The following PTPRD variants were observed in gnomAD, a reference collection of about 807,000 sequenced individuals.
PTPRD encodes the protein protein tyrosine phosphatase receptor type D, also known as receptor-type tyrosine-protein phosphatase delta.
PTPRD carries 34 observed loss-of-function variants against 214.5 expected under a neutral mutation model. The observed-to-expected ratio is 0.16, with a 90% confidence interval of 0.12 to 0.21. PTPRD has a LOEUF of 0.21. Ranked by LOEUF, PTPRD falls within the 10% of genes least tolerant of loss-of-function variation. The pLI is 1.00. For missense variants in PTPRD, 2,545 were observed against 2,398.7 expected (o/e 1.06, Z -1.27); for synonymous variants, 1,128 against 845.7 (o/e 1.33, Z -5.79).
rs12350225 is a variant in PTPRD, at chr9:9,076,416, G to C, written c.-142-57681C>G. On this transcript the variant is annotated intron_variant, in intron 10 of 45. Transcript: ENST00000381196. ...TTTAATTAGTGTAAGTGTTATTTTT[G>C]TACCCATTAACCGTCCCCTTTGCTC... 5.2e-3 allele frequency among the ~76,000 whole-genome samples: 797 copies of C among 151,852 alleles called. 14 individuals are homozygous for C. Among genetic ancestry groups the C allele is most frequent in the African/African-American group, 0.018 (756 of 41,462 alleles).
intron 11 of PTPRD, among the ~76,000 whole-genome samples, chr9:8,739,467 C>G (rs1166780544): frequency 1.3e-4 from 20 of 152,184 alleles, no homozygotes; most frequent in Admixed American, 1.3e-3. Context: ...AAGTTTTTAT[C>G]TTATTAAAGT....
chr9:8,324,924 C>A (rs573921576), intron 44 of PTPRD, among the ~76,000 whole-genome samples: 1 of 152,124 alleles, frequency 6.6e-6, no homozygotes, highest in Non-Finnish European at 1.5e-5. Flanking sequence ...TGTTCATATC[C>A]TTCGCCCACT....
At chr9:10,145,576 T>G (rs2099016569) in intron 3 of PTPRD, among the ~76,000 whole-genome samples, 1 of 152,160 alleles carries the variant, frequency 6.6e-6, no homozygotes, top group South Asian at 2.1e-4. Context: ...ATCAACTGTT[T>G]ATGTTATCAG....
intron 5 of PTPRD, among the ~76,000 whole-genome samples, chr9:9,777,221 C>T (rs147009103): frequency 3.9e-5 from 6 of 152,016 alleles, no homozygotes; most frequent in Non-Finnish European, 8.8e-5. Flanking sequence ...TAAAAACATT[C>T]TAAGTCCAGG....
chr9:10,601,749 A>C (rs1180225594), intron 2 of PTPRD, among the ~76,000 whole-genome samples: 1 of 151,774 alleles, frequency 6.6e-6, no homozygotes, highest in African/African-American at 2.4e-5. Context: ...GACAGAAGGC[A>C]AAAACTCTAG....
At chr9:9,890,968 C>A (rs771505566) in intron 5 of PTPRD, among the ~76,000 whole-genome samples, 23 of 152,158 alleles carry the variant, frequency 1.5e-4, no homozygotes, top group Non-Finnish European at 2.9e-4. Flanking sequence ...ACATCGCTGG[C>A]AGTAAGACAT....
intron 5 of PTPRD, among the ~76,000 whole-genome samples, chr9:9,914,046 A>T (rs767828038): frequency 1.3e-5 from 2 of 152,204 alleles, no homozygotes; most frequent in African/African-American, 2.4e-5. Context: ...TACAGAAACC[A>T]GTATTTGGTA....
At chr9:9,854,041 T>C (rs891802922) in intron 5 of PTPRD, among the ~76,000 whole-genome samples, 2 of 152,172 alleles carry the variant, frequency 1.3e-5, no homozygotes, top group Non-Finnish European at 2.9e-5. Context: ...GTTAAAAATA[T>C]ACATTATCAT....
intron 2 of PTPRD, among the ~76,000 whole-genome samples, chr9:10,387,821 T>C (rs13289249): frequency 1.6e-4 from 1 of 6,154 alleles, no homozygotes; most frequent in Admixed American, 1.3e-3. Flanking sequence ...AGATTTTGTC[T>C]TTTTTTTTTT....
intron 23 of PTPRD, 78 bp from the exon 24 acceptor site, chr9:8,501,137 GA>G: frequency 9.1e-7 from 1 of 1,099,372 alleles, no homozygotes; most frequent in South Asian, 1.7e-5. Context: ...TAAAACAAAA[GA>G]AAAGGCAAAA....
intron 10 of PTPRD, among the ~76,000 whole-genome samples, chr9:9,157,503 A>G (rs1488915640): frequency 1.3e-5 from 2 of 152,146 alleles, no homozygotes; most frequent in Non-Finnish European, 2.9e-5. Flanking sequence ...ATGTCAAAAA[A>G]TTGGACAGTC....
At chr9:9,999,998 TG>T (rs1330444158) in intron 4 of PTPRD, among the ~76,000 whole-genome samples, 1 of 152,154 alleles carries the variant, frequency 6.6e-6, no homozygotes, top group Non-Finnish European at 1.5e-5. Flanking sequence ...GTGAAAGTCA[TG>T]AAAAAATTTA....
intron 2 of PTPRD, among the ~76,000 whole-genome samples, chr9:10,601,592 A>T (rs1307039185): frequency 6.6e-6 from 1 of 151,802 alleles, no homozygotes; most frequent in East Asian, 1.9e-4. Flanking sequence ...TAGTGACTAC[A>T]AAACAAAAAC....
chr9:9,362,759 G>C (rs2056637549), intron 9 of PTPRD, among the ~76,000 whole-genome samples: 1 of 151,204 alleles, frequency 6.6e-6, no homozygotes, highest in Non-Finnish European at 1.5e-5. Context: ...GGATTTCCTT[G>C]ATAGAATAGC....
At chr9:8,846,825 G>C (rs772498784) in intron 11 of PTPRD, among the ~76,000 whole-genome samples, 17 of 152,096 alleles carry the variant, frequency 1.1e-4, no homozygotes, top group Non-Finnish European at 2.5e-4. Flanking sequence ...GGTGCCTTTT[G>C]GTAAGGAATA....
intron 11 of PTPRD, among the ~76,000 whole-genome samples, chr9:8,857,478 A>C (rs2097947267): frequency 6.6e-6 from 1 of 152,168 alleles, no homozygotes; most frequent in African/African-American, 2.4e-5. Context: ...CCAGAGGAGC[A>C]AACTGTGCGC....
intron 2 of PTPRD, among the ~76,000 whole-genome samples, chr9:10,534,005 T>C (rs900984577): frequency 3.3e-5 from 5 of 151,692 alleles, no homozygotes; most frequent in South Asian, 2.1e-4. Context: ...ATAAAATATT[T>C]GTTATCCTTT....
chr9:9,974,687 C>A (rs757866188), intron 4 of PTPRD, among the ~76,000 whole-genome samples: 1 of 152,186 alleles, frequency 6.6e-6, no homozygotes, highest in Non-Finnish European at 1.5e-5. Flanking sequence ...ACAGTTATGG[C>A]AAGCATATTT....
chr9:9,142,487 T>G (rs1036388369), intron 10 of PTPRD, among the ~76,000 whole-genome samples: 2 of 152,248 alleles, frequency 1.3e-5, no homozygotes, highest in African/African-American at 4.8e-5. Flanking sequence ...TTTACTCCTT[T>G]GGCGATGAAA....
Sources: allele counts gnomAD v4.1 joint callset (sites outside exome capture counted in the v4.1 genomes callset), GRCh38; gene constraint gnomAD v4.1.1; transcripts MANE v1.5; gene names NCBI Gene and HGNC (gene_info 2026-07-23, HGNC 2026-07-21).